VPS50: variants seen among roughly 807,000 people sequenced by gnomAD.
VPS50 encodes syndetin.
Under a neutral mutation model 139.7 loss-of-function variants are expected in VPS50, and 70 were observed. The ratio of observed to expected loss-of-function variants is 0.50; its 90% confidence interval spans 0.41 to 0.61. VPS50 has a LOEUF of 0.61. Ranked by LOEUF, VPS50 falls within the 20% of genes least tolerant of loss-of-function variation. The probability of loss-of-function intolerance (pLI) is 0.00; values close to 1 mark genes in which losing one functional copy is unlikely to be tolerated. For synonymous variants in VPS50, 365 were observed against 376.7 expected, an observed-to-expected ratio of 0.97 and a Z score of 0.36; for missense variants, 921 against 1,133.7, an observed-to-expected ratio of 0.81 and a Z score of 2.69.
At chr7:93,253,638 T>C (rs955536585) in intron 3 of VPS50, among the ~76,000 whole-genome samples, 1 of 152,018 alleles carries the variant, frequency 6.6e-6, no homozygotes, top group Non-Finnish European at 1.5e-5. Context: ...GTAACAAGGC[T>C]GAATGAGGGG....
At chr7:93,358,029 G>A (rs920070800) in intron 27 of VPS50, among the ~76,000 whole-genome samples, 3 of 152,104 alleles carry the variant, frequency 2.0e-5, no homozygotes, top group Non-Finnish European at 4.4e-5. Context: ...TAAAGTGTGT[G>A]ATCATCAAAG....
At chr7:93,241,538 A>G (rs1376599926) in intron 2 of VPS50, among the ~76,000 whole-genome samples, 2 of 152,128 alleles carry the variant, frequency 1.3e-5, no homozygotes, top group African/African-American at 4.8e-5. Flanking sequence ...AGAAATCCCT[A>G]CAAGCTTCAT....
chr7:93,325,835 T>G (rs1412627983), intron 21 of VPS50, among the ~76,000 whole-genome samples: 6 of 151,030 alleles, frequency 4.0e-5, no homozygotes, highest in African/African-American at 7.3e-5. Context: ...AGGAACACTT[T>G]TACACTGTTG....
chr7:93,270,979 T>A (rs1043628565), intron 9 of VPS50: 3 of 414,542 alleles, frequency 7.2e-6, no homozygotes, highest in Non-Finnish European at 1.1e-5. Context: ...TCAGTTTTTT[T>A]ATTTTTATCT....
intron 13 of VPS50, among the ~76,000 whole-genome samples, chr7:93,294,047 A>G (rs983241342): frequency 1.7e-4 from 26 of 152,264 alleles, no homozygotes; most frequent in Non-Finnish European, 3.4e-4. Flanking sequence ...GATCTTATCT[A>G]TTAAACTAGA....
chr7:93,276,554 T>G (rs1345401588), intron 12 of VPS50: 2 of 442,948 alleles, frequency 4.5e-6, no homozygotes, highest in East Asian at 7.7e-5. Flanking sequence ...TTTCATAGCT[T>G]CTTTTACCCA....
chr7:93,272,634 G>T lies in VPS50; in HGVS notation c.703-1G>T. ...TCTTGCTTCTTCTTTTAATTATATA[G>T]GAACAGCTGGACGTAGCTCTTTCCA... is the stretch of plus-strand genomic sequence containing the variant. On this transcript the variant is annotated splice_acceptor_variant, in intron 10 of 27. Transcript: ENST00000305866. LOFTEE classifies it high-confidence loss of function. The T allele has an allele frequency of 1.4e-6, 2 of 1,387,770 alleles. No homozygotes were observed. The highest frequency in any genetic ancestry group is 2.0e-6 in the Non-Finnish European group (2 of 1,001,124). The allele number at this position is 1,387,770 out of a possible 1,614,324, so 86.0% of individuals were successfully genotyped here.
At chr7:93,260,143 CTT>C (rs1413018120) in intron 9 of VPS50, among the ~76,000 whole-genome samples, 1 of 152,096 alleles carries the variant, frequency 6.6e-6, no homozygotes, top group Non-Finnish European at 1.5e-5. Context: ...TGTGTTATGT[CTT>C]TTGTTTATTA....
intron 1 of VPS50, among the ~76,000 whole-genome samples, chr7:93,235,663 A>G (rs1008352402): frequency 6.6e-6 from 1 of 152,188 alleles, no homozygotes; most frequent in South Asian, 2.1e-4. Context: ...GGCCCTAGCA[A>G]TTGGAAGAAT....
intron 12 of VPS50, among the ~76,000 whole-genome samples, chr7:93,281,660 CATAAT>C (rs1308720127): frequency 6.6e-6 from 1 of 152,004 alleles, no homozygotes; most frequent in Non-Finnish European, 1.5e-5. Context: ...TAGGGCTAGA[CATAAT>C]ATAAGTTATA....
At chr7:93,288,366 C>A (rs1006717820) in intron 12 of VPS50, among the ~76,000 whole-genome samples, 2 of 152,128 alleles carry the variant, frequency 1.3e-5, no homozygotes, top group Non-Finnish European at 2.9e-5. Flanking sequence ...GAATAATGTT[C>A]TACCAATCTC....
chr7:93,272,850 T>C, intron 11 of VPS50, 117 bp downstream of exon 11: 4 of 556,484 alleles, frequency 7.2e-6, no homozygotes, highest in South Asian at 6.9e-5. Flanking sequence ...ACGAAGTACA[T>C]TTTTATTCTG....
chr7:93,243,934 T>C (rs555832216), intron 2 of VPS50, among the ~76,000 whole-genome samples: 2 of 152,014 alleles, frequency 1.3e-5, no homozygotes, highest in South Asian at 2.1e-4. Context: ...TAATATTGTT[T>C]TACGAGTTTT....
At chr7:93,256,211 C>T (rs992236145) in intron 4 of VPS50, among the ~76,000 whole-genome samples, 1 of 152,106 alleles carries the variant, frequency 6.6e-6, no homozygotes, top group Non-Finnish European at 1.5e-5. Context: ...AAGATGGTTA[C>T]ACTTTTTGGT....
chr7:93,250,950 A>T (rs1014270851), intron 2 of VPS50, among the ~76,000 whole-genome samples: 1 of 152,260 alleles, frequency 6.6e-6, no homozygotes, highest in Non-Finnish European at 1.5e-5. Context: ...CCTGGTCATT[A>T]GGGAAATCCA....
intron 12 of VPS50, among the ~76,000 whole-genome samples, chr7:93,281,987 G>A (rs1443252358): frequency 6.6e-6 from 1 of 152,104 alleles, no homozygotes; most frequent in Middle Eastern, 3.4e-3. Flanking sequence ...GGTGGATCAC[G>A]AGGTCAGGAG....
intron 2 of VPS50, among the ~76,000 whole-genome samples, chr7:93,251,215 A>G (rs1184188274): frequency 6.6e-6 from 1 of 152,240 alleles, no homozygotes; most frequent in Non-Finnish European, 1.5e-5. Flanking sequence ...TTCTATACAG[A>G]TACATGCACA....
intron 16 of VPS50, among the ~76,000 whole-genome samples, chr7:93,300,205 T>C (rs1190053075): frequency 1.3e-5 from 2 of 152,176 alleles, no homozygotes; most frequent in Non-Finnish European, 2.9e-5. Context: ...AAATTATATT[T>C]GGGCTTCAAA....
intron 22 of VPS50, among the ~76,000 whole-genome samples, chr7:93,336,233 C>T (rs565417109): frequency 6.6e-6 from 1 of 152,152 alleles, no homozygotes; most frequent in East Asian, 1.9e-4. Flanking sequence ...ATTTTATTTT[C>T]TCCATATAGA....
Sources: gnomAD v4.1 joint callset for allele counts (sites outside exome capture counted in the v4.1 genomes callset) on GRCh38, gnomAD v4.1.1 for gene constraint, MANE v1.5 for transcripts, NCBI Gene and HGNC (gene_info 2026-07-23, HGNC 2026-07-21) for gene names.